The following ABCA5 variants were observed in gnomAD, a reference collection of about 807,000 sequenced individuals.
ABCA5 encodes the protein ATP binding cassette subfamily A member 5.
In ABCA5, 163 loss-of-function variants were observed where a neutral mutation model predicts 206.0. That is an observed-to-expected ratio of 0.79 (90% CI 0.70 to 0.90). The LOEUF (loss-of-function observed/expected upper bound fraction) is 0.90, where lower values mean the gene tolerates loss of function less well. ABCA5 is among the 40% of genes least tolerant of loss of function. The pLI, the probability that ABCA5 is intolerant of heterozygous loss-of-function variation, is 0.00. For missense variants in ABCA5, 1,859 were observed against 1,912.9 expected, an observed-to-expected ratio of 0.97 and a Z score of 0.53; for synonymous variants, 609 against 613.8, an observed-to-expected ratio of 0.99 and a Z score of 0.11.
chr17:69,277,928 T>C (rs1183203500), intron 18 of ABCA5, 86 bp from the exon 19 acceptor site: 3 of 1,022,730 alleles, frequency 2.9e-6, no homozygotes, highest in Non-Finnish European at 4.1e-6. Flanking sequence ...AAAGAAGCAT[T>C]GGTCTGGCAG....
intron 18 of ABCA5, among the ~76,000 whole-genome samples, chr17:69,279,979 A>G (rs1191357120): frequency 6.6e-6 from 1 of 152,212 alleles, no homozygotes; most frequent in Non-Finnish European, 1.5e-5. Context: ...ATGGGGAAGG[A>G]CTTCCTGTCT....
At chr17:69,255,191 G>A (rs1262938131) in intron 31 of ABCA5, among the ~76,000 whole-genome samples, 3 of 152,158 alleles carry the variant, frequency 2.0e-5, no homozygotes, top group African/African-American at 7.2e-5. Flanking sequence ...AAAGTGGTCA[G>A]TGACATGCTT....
intron 19 of ABCA5, among the ~76,000 whole-genome samples, chr17:69,274,832 C>T (rs1183728841): frequency 8.8e-6 from 1 of 114,080 alleles, no homozygotes; most frequent in Non-Finnish European, 1.9e-5. Flanking sequence ...TCTATCTTAA[C>T]CATTTACTTT....
chr17:69,289,319 A>C (rs778677380), intron 13 of ABCA5, 23 bp from the exon 14 acceptor site: 2 of 1,484,742 alleles, frequency 1.3e-6, no homozygotes, highest in Non-Finnish European at 1.8e-6. Context: ...AGCATGAACA[A>C]TGTTATTTTA....
At position 69,286,528 on chromosome 17, in the gene ABCA5, C is replaced by A. The variant is rs1352924806; in HGVS notation, c.2042-217G>T. 2.6e-5 allele frequency among the ~76,000 whole-genome samples: 4 copies of A among 152,110 alleles called. No homozygotes were observed. The East Asian group carries it at 7.7e-4, about 29-fold the overall frequency. ...ATACATTCCTTATATATGTTTCATA[C>A]AGCTATTAAGTAACAAAGCCAGGAA... On this transcript the variant is annotated intron_variant, in intron 15 of 38. Transcript: ENST00000392676.
chr17:69,314,326 C>A lies in ABCA5; in HGVS notation c.90G>T (p.Lys30Asn). ...TTATTTAACTTACCTGAACACTACT[C>A]TTTTTGGTTCTGCATTTAATTAAGT... Reference protein sequence around the residue: ...KNYLIKCRTKKSSVQEILFPL... With the variant: ...KNYLIKCRTKNSSVQEILFPL... The change falls in exon 2 of 39, where the codon AAG (lysine) becomes AAT (asparagine). Residue 30 changes from lysine (K) to asparagine (N), a missense_variant. Transcript: ENST00000392676. 5.0e-6 allele frequency: 8 copies of A among 1,611,944 alleles called. No homozygotes were observed. The highest frequency in any genetic ancestry group is 5.9e-6 in the Non-Finnish European group (7 of 1,178,242).
rs549284430 is a variant in ABCA5, at chr17:69,313,874, A to G, written c.102+440T>C. ...TGAAATTATTACTAGCTGGTTACCC[A>G]AGTTCTTCCTTTCTTTTACCCTTAT... On this transcript the variant is annotated intron_variant, in intron 2 of 38. Coordinates refer to ENST00000392676, the MANE Select transcript of ABCA5 (RefSeq NM_172232.4). Among the ~76,000 whole-genome samples the G allele has an allele frequency of 2.0e-5, 3 of 152,272 alleles. No homozygotes were observed. In the East Asian group the frequency reaches 5.8e-4, roughly 29 times the overall value.
rs568322973 is a variant in ABCA5 at position 69,284,182 on chromosome 17, C to A, written c.2273-110G>T. On this transcript the variant is annotated intron_variant, in intron 17 of 38. Transcript: ENST00000392676. ...GAACAGCCTGTGAAACATATCATGACCCATCTCTACAAAAAATAAAAATAA... is the reference window on the plus strand; with the variant it reads ...GAACAGCCTGTGAAACATATCATGAACCATCTCTACAAAAAATAAAAATAA... The A allele has an allele frequency of 1.2e-4, 97 of 829,272 alleles. 1 individual carries two copies. In the East Asian group the frequency reaches 3.4e-3, roughly 29 times the overall value. 51.4% of individuals were successfully genotyped at this position (829,272 alleles called of 1,614,324 possible).
rs931125444 is a variant in ABCA5, at chr17:69,295,915, T to A, written c.1437-1202A>T. The stretch of plus-strand genomic sequence containing the variant: ...AGTGAACTGGTGTAGTTCAAACTTG[T>A]ATTTTTCAGGGATCAACTATAAAAT... On this transcript the variant is annotated intron_variant, in intron 10 of 38. Coordinates refer to ENST00000392676, the MANE Select transcript of ABCA5 (RefSeq NM_172232.4). Among the ~76,000 whole-genome samples the A allele has an allele frequency of 2.6e-5, 4 of 152,348 alleles. 1 individual carries two copies. Among genetic ancestry groups the A allele is most frequent in the Non-Finnish European group, 2.9e-5 (2 of 68,026 alleles).
intron 9 of ABCA5, among the ~76,000 whole-genome samples, chr17:69,297,873 A>C (rs1401576210): frequency 6.6e-6 from 1 of 152,126 alleles, no homozygotes; most frequent in Non-Finnish European, 1.5e-5. Flanking sequence ...ACAGGATAGA[A>C]ATATGAGACT....
In ABCA5 at chr17:69,290,052, T is replaced by C. The variant is rs940141823; in HGVS notation, c.1607-15A>G. The C allele has an allele frequency of 4.7e-6, 7 of 1,488,698 alleles. No homozygotes were observed. In the African/African-American group the frequency reaches 1.0e-4, roughly 21 times the overall value. The allele number at this position is 1,488,698 out of a possible 1,614,324, so 92.2% of individuals were successfully genotyped here. On this transcript the variant is annotated splice_polypyrimidine_tract_variant and intron_variant, in intron 12 of 38. Coordinates refer to ENST00000392676, the MANE Select transcript of ABCA5 (RefSeq NM_172232.4). ...AGATGCAAACCCTAAAAGCAAAATA[T>C]ATATTTAAATGTACATTAATTATTT...
At chr17:69,253,767 G>T in intron 33 of ABCA5, 27 bp downstream of exon 33, 1 of 1,591,786 alleles carries the variant, frequency 6.3e-7, no homozygotes. Flanking sequence ...AAAAATACAG[G>T]CATTATTTGG....
intron 4 of ABCA5, 93 bp downstream of exon 4, chr17:69,309,169 C>T (rs1364269097): frequency 2.0e-6 from 2 of 989,850 alleles, no homozygotes; most frequent in Non-Finnish European, 1.4e-6. Context: ...GTTGAAAATG[C>T]CAATATTGAA....
rs1322084310 is a variant in ABCA5 at position 69,246,270 on chromosome 17, C to CTGT, written c.*1264_*1266dup. The CTGT allele has an allele frequency of 1.3e-5, 2 of 151,874 alleles. No homozygotes were observed. Among genetic ancestry groups the CTGT allele is most frequent in the African/African-American group, 2.4e-5 (1 of 41,416 alleles). 9.4% of individuals were successfully genotyped at this position (151,874 alleles called of 1,614,324 possible). A position where few individuals can be genotyped will look rare whatever the true frequency, so the allele number is the denominator to read the frequency against. On this transcript the variant is annotated 3_prime_UTR_variant, in exon 39 of 39. Coordinates refer to ENST00000392676, the MANE Select transcript of ABCA5 (RefSeq NM_172232.4). ...TCAGTACCAAATCCTTCTGTCATTG[C>CTGT]TGTTGTTGTTGTCTAATACAATAAT...
chr17:69,247,621 T>C lies in ABCA5; in HGVS notation c.4845A>G (p.Glu1615=). The stretch of plus-strand genomic sequence containing the variant: ...CACAACTATTATCTTCCTCCTCTTG[T>C]TCTTTAGTGAGTTCTACAAAAACCT... ...LEQVFVELTK[E]QEEEDNSCGT... is the part of the protein sequence containing the mutation. Residue 1615 remains glutamate, a synonymous_variant, in exon 39 of 39, where the codon GAA becomes GAG. Transcript: ENST00000392676. 6.2e-7 allele frequency: 1 copy of C among 1,609,804 alleles called. No homozygotes were observed. The highest frequency in any genetic ancestry group is 8.5e-7 in the Non-Finnish European group (1 of 1,178,252).
intron 10 of ABCA5, among the ~76,000 whole-genome samples, chr17:69,296,354 T>A (rs1269991233): frequency 6.6e-6 from 1 of 152,218 alleles, no homozygotes; most frequent in Non-Finnish European, 1.5e-5. Context: ...TTCACTTTTT[T>A]ATTTCATTTT....
At position 69,250,640 on chromosome 17, in the gene ABCA5, AG is replaced by A. The variant is rs746099868; in HGVS notation, c.4536-20del. 1.3e-6 allele frequency: 2 copies of A among 1,517,564 alleles called. No individual in the cohort carries two copies. The highest frequency in any genetic ancestry group is 2.6e-5 in the South Asian group (2 of 77,624). 94.0% of individuals were successfully genotyped at this position (1,517,564 alleles called of 1,614,324 possible). A position where few individuals can be genotyped will look rare whatever the true frequency, so the allele number is the denominator to read the frequency against. On this transcript the variant is annotated intron_variant, in intron 35 of 38. Coordinates refer to ENST00000392676, the MANE Select transcript of ABCA5 (RefSeq NM_172232.4). ...GATACATCTGAAGTAATTTTTTAAA[AG>A]AAAGCTCAGATATAAAATGACAGCT... is the stretch of plus-strand genomic sequence containing the variant.
At chr17:69,255,522 C>A in intron 31 of ABCA5, 21 bp downstream of exon 31, 1 of 1,411,830 alleles carries the variant, frequency 7.1e-7, no homozygotes, top group South Asian at 1.5e-5. Context: ...TCAACATATC[C>A]TATACTCTTA....
chr17:69,254,614 T>C (rs1020262138), intron 31 of ABCA5, 124 bp from the exon 32 acceptor site: 4 of 588,678 alleles, frequency 6.8e-6, no homozygotes, highest in Non-Finnish European at 1.1e-5. Flanking sequence ...TGTACTCCTT[T>C]ATTGTCATTA....
Sources: gnomAD v4.1 joint callset for allele counts (sites outside exome capture counted in the v4.1 genomes callset) on GRCh38, gnomAD v4.1.1 for gene constraint, MANE v1.5 for transcripts, NCBI Gene and HGNC (gene_info 2026-07-23, HGNC 2026-07-21) for gene names.